The following ZFYVE16 variants were observed in gnomAD, a reference collection of about 807,000 sequenced individuals.
ZFYVE16 encodes the protein zinc finger FYVE domain-containing protein 16.
A neutral mutation model predicts 138.1 loss-of-function variants in ZFYVE16; 89 were observed. The ratio of observed to expected loss-of-function variants is 0.64; its 90% CI spans 0.54 to 0.77. The LOEUF is 0.77. Among genes scored for constraint, ZFYVE16 ranks in the 30% least tolerant of loss-of-function variants. The pLI is 0.00. For synonymous variants in ZFYVE16, 596 were observed against 618.3 expected (o/e 0.96, Z 0.53); for missense variants, 1,793 against 1,786.7 (o/e 1.00, Z -0.06).
chr5:80,448,106 G>A lies in ZFYVE16; in HGVS notation c.2805G>A (p.Glu935=). Residue 935 remains glutamate (E), a synonymous_variant, in exon 8 of 19, where the codon GAG becomes GAA. Transcript: ENST00000505560. ...NNETGDITRN[E]IIQSPISQVP... is the part of the protein sequence containing the mutation. Reference sequence around the variant, plus strand: ...AGACAGGAGATATTACAAGAAATGAGATAATTCAGAGTCCTATTTCTCAGG... The same window carrying A: ...AGACAGGAGATATTACAAGAAATGAAATAATTCAGAGTCCTATTTCTCAGG... 6.2e-7 allele frequency: 1 copy of A among 1,613,790 alleles called. No homozygotes were observed. The highest frequency in any genetic ancestry group is 8.5e-7 in the Non-Finnish European group (1 of 1,179,896).
intron 1 of ZFYVE16, among the ~76,000 whole-genome samples, chr5:80,415,624 A>G (rs1561224882): frequency 1.3e-5 from 2 of 152,074 alleles, no homozygotes; most frequent in Non-Finnish European, 2.9e-5. Flanking sequence ...GACAACAGAG[A>G]TAAAGTACAA....
chr5:80,433,307 A>G (rs1580186693), intron 2 of ZFYVE16, among the ~76,000 whole-genome samples: 1 of 152,310 alleles, frequency 6.6e-6, no homozygotes, highest in Non-Finnish European at 1.5e-5. Context: ...TGAAGCTGGA[A>G]ACCATCATTC....
rs1749535308 is a variant in ZFYVE16, at chr5:80,434,183, G to A, written c.36G>A (p.Leu12=). The change falls in exon 3 of 19, where the codon TTG becomes TTA. Residue 12 remains leucine (L), a synonymous_variant. Transcript: ENST00000505560. The stretch of plus-strand genomic sequence containing the variant: ...ATTTTAAAGCAGCTGTCAGTGACTT[G>A]GACAAACTCCTTGATGATTTTGAAC... The part of the protein sequence containing the change: ...DSYFKAAVSD[L]DKLLDDFEQN... 6.2e-7 allele frequency: 1 copy of A among 1,613,450 alleles called. No individual in the cohort carries two copies. The highest frequency in any genetic ancestry group is 8.5e-7 in the Non-Finnish European group (1 of 1,179,632).
chr5:80,448,759 G>T (rs1751669065), intron 8 of ZFYVE16, among the ~76,000 whole-genome samples: 1 of 151,926 alleles, frequency 6.6e-6, no homozygotes, highest in South Asian at 2.1e-4. Context: ...AGATTGGATG[G>T]CAAAGCTAGG....
At chr5:80,467,633 CT>C (rs1753880310) in intron 15 of ZFYVE16, among the ~76,000 whole-genome samples, 1 of 152,178 alleles carries the variant, frequency 6.6e-6, no homozygotes, top group Admixed American at 6.5e-5. Context: ...CAAAAACAAA[CT>C]CTGTGAAGAA....
rs146986644 is a variant in ZFYVE16, at chr5:80,477,248, A to G, written c.4491A>G (p.Gln1497=). 8.1e-6 allele frequency: 13 copies of G among 1,600,334 alleles called. No individual in the cohort carries two copies. The highest frequency in any genetic ancestry group is 1.1e-5 in the Non-Finnish European group (13 of 1,176,536). The change falls in exon 19 of 19, where the codon CAA becomes CAG. Residue 1497 remains glutamine, a synonymous_variant. Coordinates refer to ENST00000505560, the MANE Select transcript of ZFYVE16 (RefSeq NM_001284236.3). ...AATTTCAGGCAGGATCTGAAGGCCA[A>G]CTTCTGCCTCAGCATTATCTAAATG... ...MVEFQAGSEG[Q]LLPQHYLNDL... is the part of the protein sequence containing the mutation.
In ZFYVE16 at chr5:80,482,622, G is replaced by A. The variant is rs394076; in HGVS notation, c.*5245G>A. On this transcript the variant is annotated 3_prime_UTR_variant, in exon 19 of 19. Transcript: ENST00000505560. ...AAAAAGGAAAACCACACCCAGGCACGTCATAATCAAAGTGATGAAACCAAC... is the reference window on the plus strand; with the variant it reads ...AAAAAGGAAAACCACACCCAGGCACATCATAATCAAAGTGATGAAACCAAC... 0.77 allele frequency: 116,673 copies of A among 152,196 alleles called. 48,327 individuals carry two copies. Among genetic ancestry groups the A allele is most frequent in the East Asian group, 0.92 (4,770 of 5,192 alleles). The allele number at this position is 152,196 out of a possible 1,614,324, so 9.4% of individuals were successfully genotyped here.
chr5:80,471,275 A>G (rs1179868161), intron 15 of ZFYVE16, among the ~76,000 whole-genome samples: 2 of 152,042 alleles, frequency 1.3e-5, no homozygotes, highest in African/African-American at 2.4e-5. Flanking sequence ...TCCTGTTTCT[A>G]TGGATTGTTT....
At chr5:80,419,942 G>T (rs1224239217) in intron 1 of ZFYVE16, among the ~76,000 whole-genome samples, 2 of 149,060 alleles carry the variant, frequency 1.3e-5, no homozygotes, top group Non-Finnish European at 3.0e-5. Flanking sequence ...CTCCTGAGTA[G>T]CTGGGATTAC....
At chr5:80,421,773 T>C (rs1428209503) in intron 1 of ZFYVE16, among the ~76,000 whole-genome samples, 1 of 152,202 alleles carries the variant, frequency 6.6e-6, no homozygotes, top group Non-Finnish European at 1.5e-5. Context: ...GTCTCGGCAA[T>C]GCGGGCCCTT....
rs755204966 is a variant in ZFYVE16 at position 80,477,429 on chromosome 5, C to A, written c.*52C>A. 1 of 1,527,654 alleles carries A rather than the reference C, an allele frequency of 6.5e-7. No homozygotes were observed. Among genetic ancestry groups the A allele is most frequent in the Non-Finnish European group, 8.8e-7 (1 of 1,136,872 alleles). 94.6% of individuals were successfully genotyped at this position (1,527,654 alleles called of 1,614,324 possible). ...GCAACCTAATTTGTTAAAACTAACTCCAGCACTAAAGCTGAAATGCCACAA... is the reference window on the plus strand; with the variant it reads ...GCAACCTAATTTGTTAAAACTAACTACAGCACTAAAGCTGAAATGCCACAA... On this transcript the variant is annotated 3_prime_UTR_variant, in exon 19 of 19. Coordinates refer to ENST00000505560, the MANE Select transcript of ZFYVE16 (RefSeq NM_001284236.3).
intron 2 of ZFYVE16, 36 bp from the exon 3 acceptor site, chr5:80,434,073 A>T (rs1156748598): frequency 7.2e-7 from 1 of 1,381,756 alleles, no homozygotes; most frequent in Non-Finnish European, 1.0e-6. Flanking sequence ...TTGTTATGTA[A>T]TTAAATGAAA....
chr5:80,419,210 C>G (rs536753117), intron 1 of ZFYVE16, among the ~76,000 whole-genome samples: 2 of 152,046 alleles, frequency 1.3e-5, no homozygotes, highest in African/African-American at 4.8e-5. Flanking sequence ...TCCCAAGTAG[C>G]TGGGACTACA....
intron 14 of ZFYVE16, among the ~76,000 whole-genome samples, chr5:80,459,140 C>T (rs1427573386): frequency 6.6e-6 from 1 of 152,176 alleles, no homozygotes; most frequent in Non-Finnish European, 1.5e-5. Context: ...GTTGGCCAGG[C>T]TAGTCTCAAA....
At chr5:80,430,561 T>C (rs888248942) in intron 2 of ZFYVE16, among the ~76,000 whole-genome samples, 8 of 151,680 alleles carry the variant, frequency 5.3e-5, no homozygotes, top group African/African-American at 1.9e-4. Context: ...ATTCAAAAGC[T>C]AGCAGAAGGC....
chr5:80,426,201 G>GGTGTGTGTGT (rs67789869), intron 1 of ZFYVE16, among the ~76,000 whole-genome samples: 1 of 139,682 alleles, frequency 7.2e-6, no homozygotes, highest in East Asian at 2.1e-4. Context: ...GTGTGTGTGT[G>GGTGTGTGTGT]GTGTGTGTGT....
chr5:80,447,059 C>G (rs1427288265), intron 7 of ZFYVE16, among the ~76,000 whole-genome samples: 1 of 152,042 alleles, frequency 6.6e-6, no homozygotes, highest in Non-Finnish European at 1.5e-5. Context: ...GTCAGGAGTT[C>G]AAGACCGCCT....
chr5:80,434,140 CAGGT>C lies in ZFYVE16; in HGVS notation c.-4_-1del. Reference sequence around the variant, plus strand: ...AAGAATTAAATTCTGAATAAGTCTGCAGGTAGGATGGACAGTTATTTTAAAGCAG... The same window carrying C: ...AAGAATTAAATTCTGAATAAGTCTGCAGGATGGACAGTTATTTTAAAGCAG... On this transcript the variant is annotated 5_prime_UTR_variant, in exon 3 of 19. Transcript: ENST00000505560. 1 of 1,610,598 alleles carries C rather than the reference CAGGT, an allele frequency of 6.2e-7. No individual in the cohort carries two copies. The highest frequency in any genetic ancestry group is 8.5e-7 in the Non-Finnish European group (1 of 1,177,804).
rs894902376 is a variant in ZFYVE16, at chr5:80,479,283, T to C, written c.*1906T>C. 2 of 152,260 alleles carry C rather than the reference T, an allele frequency of 1.3e-5. No individual in the cohort carries two copies. Among genetic ancestry groups the C allele is most frequent in the African/African-American group, 2.4e-5 (1 of 41,466 alleles). The allele number at this position is 152,260 out of a possible 1,614,324, so 9.4% of individuals were successfully genotyped here. On this transcript the variant is annotated 3_prime_UTR_variant, in exon 19 of 19. Transcript: ENST00000505560. ...TCTGCAATGATCTATTTTTGGCTTA[T>C]GTCTTTTAATACTACTCTCTTTCTC... is the stretch of plus-strand genomic sequence containing the variant.
Sources: allele counts gnomAD v4.1 joint callset (sites outside exome capture counted in the v4.1 genomes callset), GRCh38; gene constraint gnomAD v4.1.1; transcripts MANE v1.5; gene names NCBI Gene and HGNC (gene_info 2026-07-23, HGNC 2026-07-21).